PRKCB: variants seen among roughly 807,000 people sequenced by gnomAD.
PRKCB encodes the protein protein kinase C beta, also known as protein kinase C beta type.
In PRKCB, 13 loss-of-function variants were observed where a neutral mutation model predicts 81.5. The ratio of observed to expected loss-of-function variants is 0.16; its 90% confidence interval spans 0.10 to 0.25. The LOEUF is 0.25. PRKCB is among the 10% of genes least tolerant of loss of function. PRKCB has a pLI of 1.00. For missense variants in PRKCB, 509 were observed against 875.7 expected, an observed-to-expected ratio of 0.58 and a Z score of 5.29; for synonymous variants, 335 against 321.4, an observed-to-expected ratio of 1.04 and a Z score of -0.45.
At chr16:23,846,534 C>T (rs183442790) in intron 2 of PRKCB, among the ~76,000 whole-genome samples, 40 of 134,326 alleles carry the variant, frequency 3.0e-4, no homozygotes, top group African/African-American at 1.0e-3. Context: ...CGCTTGAACC[C>T]GGGAGGCAGA....
At chr16:23,902,599 A>T (rs2141723308) in intron 2 of PRKCB, among the ~76,000 whole-genome samples, 1 of 152,204 alleles carries the variant, frequency 6.6e-6, no homozygotes, top group South Asian at 2.1e-4. Context: ...CTAGTGTTCG[A>T]AACCTAAGTT....
chr16:24,000,914 T>C (rs542140726), intron 3 of PRKCB, among the ~76,000 whole-genome samples: 3 of 152,160 alleles, frequency 2.0e-5, no homozygotes, highest in Non-Finnish European at 4.4e-5. Flanking sequence ...CCAATGACCT[T>C]GGGAAAATAA....
rs1003115303 is a variant in PRKCB, at chr16:24,096,935, C to T, written c.821+2638C>T. On this transcript the variant is annotated intron_variant, in intron 7 of 16. Transcript: ENST00000643927. ...GAAAATAAAAATCAAACTGGTTTAGCGAGAAAGAGATGTGTCCTTTGGACC... is the reference window on the plus strand; with the variant it reads ...GAAAATAAAAATCAAACTGGTTTAGTGAGAAAGAGATGTGTCCTTTGGACC... 7.9e-5 allele frequency among the ~76,000 whole-genome samples: 12 copies of T among 151,170 alleles called. 1 individual carries two copies. The South Asian group carries it at 2.5e-3, about 32-fold the overall frequency.
chr16:24,212,944 T>C (rs1416911042), intron 16 of PRKCB, among the ~76,000 whole-genome samples: 1 of 152,128 alleles, frequency 6.6e-6, no homozygotes, highest in Non-Finnish European at 1.5e-5. Context: ...CATCCTTGTC[T>C]TCCCGCTGGC....
intron 2 of PRKCB, among the ~76,000 whole-genome samples, chr16:23,919,363 A>T (rs1227479111): frequency 6.8e-6 from 1 of 147,416 alleles, no homozygotes; most frequent in Non-Finnish European, 1.5e-5. Context: ...GGCTTATGTT[A>T]GAACAGAGTC....
intron 10 of PRKCB, among the ~76,000 whole-genome samples, chr16:24,161,136 A>G (rs1967249413): frequency 6.6e-6 from 1 of 152,230 alleles, no homozygotes; most frequent in Admixed American, 6.5e-5. Context: ...AAAGTGGCCA[A>G]AATACTGGAT....
At chr16:24,101,264 T>C (rs943347298) in intron 7 of PRKCB, among the ~76,000 whole-genome samples, 3 of 152,204 alleles carry the variant, frequency 2.0e-5, no homozygotes, top group African/African-American at 7.2e-5. Context: ...GTTAAACGAA[T>C]GGCCAGGTGT....
chr16:23,912,839 T>TATTTATTTATTTATTTA (rs59345283), intron 2 of PRKCB, among the ~76,000 whole-genome samples: 8 of 149,474 alleles, frequency 5.4e-5, no homozygotes, highest in Non-Finnish European at 7.4e-5. Context: ...TTTATTTATT[T>TATTTATTTATTTATTTA]TTTGATATGG....
chr16:24,099,850 C>G (rs1231229030), intron 7 of PRKCB: 5 of 146,066 alleles, frequency 3.4e-5, no homozygotes, highest in African/African-American at 1.2e-4. Context: ...TGGCACATGC[C>G]TGTAATCTCA....
intron 5 of PRKCB, among the ~76,000 whole-genome samples, chr16:24,066,515 G>A (rs937926148): frequency 7.2e-5 from 11 of 152,092 alleles, no homozygotes; most frequent in African/African-American, 2.7e-4. Context: ...CTTTCACTCA[G>A]TTTTCCATTA....
Position 24,217,487 on chromosome 16 carries a change from C to G in PRKCB, c.*2671C>G. On this transcript the variant is annotated 3_prime_UTR_variant, in exon 17 of 17. Transcript: ENST00000643927. The stretch of plus-strand genomic sequence containing the variant: ...GAGTGCTACTGTTTTCACATGGCTT[C>G]AGATGCTATCAACCTCAAAGAAATG... 1 of 985,432 alleles carries G rather than the reference C, an allele frequency of 1.0e-6. No individual in the cohort carries two copies. The highest frequency in any genetic ancestry group is 1.2e-6 in the Non-Finnish European group (1 of 829,932). The allele number at this position is 985,432 out of a possible 1,614,324, so 61.0% of individuals were successfully genotyped here.
chr16:24,160,236 A>G (rs1967233292), intron 10 of PRKCB, among the ~76,000 whole-genome samples: 1 of 132,040 alleles, frequency 7.6e-6, no homozygotes, highest in Non-Finnish European at 1.6e-5. Flanking sequence ...TACTCCGCTT[A>G]TCCTACAGGG....
intron 3 of PRKCB, among the ~76,000 whole-genome samples, chr16:24,001,294 T>C (rs1330550489): frequency 6.6e-6 from 1 of 152,242 alleles, no homozygotes; most frequent in Non-Finnish European, 1.5e-5. Context: ...TTATGATTTA[T>C]AGTCAAGTTA....
chr16:24,191,331 G>T, intron 16 of PRKCB, 101 bp downstream of exon 16: 1 of 1,322,776 alleles, frequency 7.6e-7, no homozygotes, highest in Non-Finnish European at 1.1e-6. Flanking sequence ...AGACGTCAAT[G>T]TGTCTACTGG....
rs1183369793 is a variant in PRKCB at position 24,216,998 on chromosome 16, C to G, written c.*2182C>G. The G allele has an allele frequency of 1.0e-6, 1 of 984,888 alleles. No homozygotes were observed. The allele number at this position is 984,888 out of a possible 1,614,324, so 61.0% of individuals were successfully genotyped here. A position where few individuals can be genotyped will look rare whatever the true frequency, so the allele number is the denominator to read the frequency against. On this transcript the variant is annotated 3_prime_UTR_variant, in exon 17 of 17. Transcript: ENST00000643927. ...TGATCCCATTTTGCTTGGACATGCTCTCAGGAAGATAAAAACCATGGAGAA... is the reference window on the plus strand; with the variant it reads ...TGATCCCATTTTGCTTGGACATGCTGTCAGGAAGATAAAAACCATGGAGAA...
At chr16:24,020,999 T>C (rs1460046872) in intron 3 of PRKCB, among the ~76,000 whole-genome samples, 1 of 135,846 alleles carries the variant, frequency 7.4e-6, no homozygotes, top group Non-Finnish European at 1.6e-5. Flanking sequence ...TTTCTTTCTT[T>C]CTTTCTTTCT....
At chr16:23,846,608 CAAAAA>C (rs33919504) in intron 2 of PRKCB, among the ~76,000 whole-genome samples, 1 of 65,328 alleles carries the variant, frequency 1.5e-5, no homozygotes, top group Non-Finnish European at 2.7e-5. Context: ...GACTCCGTCT[CAAAAA>C]AAAAAAAAAA....
chr16:24,121,812 G>C (rs1199731693), intron 8 of PRKCB, among the ~76,000 whole-genome samples: 1 of 152,182 alleles, frequency 6.6e-6, no homozygotes, highest in African/African-American at 2.4e-5. Context: ...AGCATGTGTT[G>C]TGTGCCAGGA....
At chr16:24,115,889 C>T (rs1242720264) in intron 8 of PRKCB, among the ~76,000 whole-genome samples, 2 of 152,034 alleles carry the variant, frequency 1.3e-5, no homozygotes, top group Non-Finnish European at 2.9e-5. Flanking sequence ...CCACGCCTGC[C>T]TAATTTTTTG....
Sources: allele counts gnomAD v4.1 joint callset (sites outside exome capture counted in the v4.1 genomes callset), GRCh38; gene constraint gnomAD v4.1.1; transcripts MANE v1.5; gene names NCBI Gene and HGNC (gene_info 2026-07-23, HGNC 2026-07-21).